Variants in TMEM232 observed in about 807,000 individuals in gnomAD.
TMEM232 encodes the protein transmembrane protein 232.
TMEM232 carries 80 observed loss-of-function variants against 78.8 expected under a neutral mutation model. The observed-to-expected ratio is 1.01, with a 90% CI of 0.85 to 1.22. TMEM232 has a LOEUF of 1.22. Among genes scored for constraint, TMEM232 ranks in the 50% most tolerant of loss-of-function variants. TMEM232 has a pLI of 0.00. For synonymous variants in TMEM232, 297 were observed against 254.3 expected, an observed-to-expected ratio of 1.17 and a Z score of -1.60; for missense variants, 881 against 742.2, an observed-to-expected ratio of 1.19 and a Z score of -2.17.
At chr5:110,550,757 A>G (rs1774354601) in intron 11 of TMEM232, among the ~76,000 whole-genome samples, 1 of 151,942 alleles carries the variant, frequency 6.6e-6, no homozygotes, top group Non-Finnish European at 1.5e-5. Flanking sequence ...ATATGTATCA[A>G]TTACCGCCAA....
chr5:110,406,699 A>G (rs1052531225), intron 2 of TMEM232, among the ~76,000 whole-genome samples: 2 of 152,118 alleles, frequency 1.3e-5, no homozygotes, highest in African/African-American at 2.4e-5. Context: ...CCCTATTACT[A>G]TATTTATGGT....
intron 12 of TMEM232, among the ~76,000 whole-genome samples, chr5:110,524,439 AG>A (rs1770244746): frequency 3.4e-5 from 5 of 148,852 alleles, no homozygotes; most frequent in Admixed American, 2.0e-4. Context: ...AGAAAAGAAA[AG>A]AAAGGAAAGA....
rs548429810 is a variant in TMEM232, at chr5:110,559,917, T to C, written c.1455+8530A>G. Among the ~76,000 whole-genome samples, 406 of 152,242 alleles carry C rather than the reference T, an allele frequency of 2.7e-3. 2 individuals carry two copies. The highest frequency in any genetic ancestry group is 9.3e-3 in the African/African-American group (385 of 41,568). ...GGCTTGTAAATGAATCACTCCAGTC[T>C]TTACCTCTGTCTCCACATGGCTCTA... On this transcript the variant is annotated intron_variant, in intron 11 of 13. Coordinates refer to ENST00000455884, the MANE Select transcript of TMEM232 (RefSeq NM_001039763.4).
chr5:110,650,104 T>C (rs1435967835), intron 2 of TMEM232, among the ~76,000 whole-genome samples: 1 of 152,056 alleles, frequency 6.6e-6, no homozygotes. Flanking sequence ...ATTTTGCAAA[T>C]GTATGTTGTA....
intron 7 of TMEM232, among the ~76,000 whole-genome samples, chr5:110,621,792 T>G (rs1294186322): frequency 6.6e-6 from 1 of 151,988 alleles, no homozygotes; most frequent in African/African-American, 2.4e-5. Context: ...TTCTTTCGTC[T>G]CCCTCCCTTG....
chr5:110,548,210 A>C (rs921948938), intron 11 of TMEM232, among the ~76,000 whole-genome samples: 25 of 151,268 alleles, frequency 1.7e-4, no homozygotes, highest in Non-Finnish European at 2.7e-4. Flanking sequence ...TACTGATTAC[A>C]TAAAGCAATA....
intron 10 of TMEM232, among the ~76,000 whole-genome samples, chr5:110,569,638 A>T (rs1252952815): frequency 2.6e-5 from 4 of 151,896 alleles, no homozygotes; most frequent in Admixed American, 6.6e-5. Flanking sequence ...GAATAAAGAT[A>T]GAAGAACAAC....
intron 11 of TMEM232, among the ~76,000 whole-genome samples, chr5:110,532,850 T>TG (rs1771755871): frequency 6.6e-6 from 1 of 152,162 alleles, no homozygotes; most frequent in Non-Finnish European, 1.5e-5. Context: ...CAGCATGCTT[T>TG]GAAAGGATTA....
intron 13 of TMEM232, among the ~76,000 whole-genome samples, chr5:110,422,833 A>C (rs1756817528): frequency 6.6e-6 from 1 of 152,102 alleles, no homozygotes; most frequent in Non-Finnish European, 1.5e-5. Context: ...ATTTGGGTAA[A>C]TAATTGTATT....
At chr5:110,471,796 CAA>C (rs1046251723) in intron 12 of TMEM232, among the ~76,000 whole-genome samples, 8 of 151,910 alleles carry the variant, frequency 5.3e-5, no homozygotes, top group Non-Finnish European at 1.0e-4. Flanking sequence ...TGAGTAGAAA[CAA>C]AGTTGTTTTT....
At chr5:110,723,759 A>C (rs1797885385) in intron 1 of TMEM232, among the ~76,000 whole-genome samples, 2 of 152,178 alleles carry the variant, frequency 1.3e-5, no homozygotes, top group South Asian at 4.1e-4. Flanking sequence ...ATTTCTCCTG[A>C]AGCTTTCTTT....
chr5:110,608,078 C>T (rs889728276), intron 8 of TMEM232, among the ~76,000 whole-genome samples: 2 of 151,834 alleles, frequency 1.3e-5, no homozygotes, highest in African/African-American at 4.8e-5. Flanking sequence ...TAACATGATG[C>T]TTATGAACAT....
At chr5:110,702,792 C>T (rs78868331) in intron 1 of TMEM232, among the ~76,000 whole-genome samples, 5,432 of 151,992 alleles carry the variant, frequency 0.036, 280 homozygotes, top group East Asian at 0.24. Context: ...GAAAGCAATC[C>T]CTTACCTAAA....
intron 11 of TMEM232, among the ~76,000 whole-genome samples, chr5:110,542,413 C>T (rs1057076236): frequency 2.0e-5 from 3 of 152,112 alleles, no homozygotes; most frequent in Non-Finnish European, 4.4e-5. Context: ...TATTTCCTCT[C>T]ACCTAGAGAC....
intron 12 of TMEM232, among the ~76,000 whole-genome samples, chr5:110,457,573 T>C (rs1264010950): frequency 6.6e-6 from 1 of 152,080 alleles, no homozygotes; most frequent in South Asian, 2.1e-4. Flanking sequence ...ATATATATGG[T>C]CATCAAAAAA....
intron 11 of TMEM232, among the ~76,000 whole-genome samples, chr5:110,544,798 G>A (rs1773578401): frequency 6.6e-6 from 1 of 152,112 alleles, no homozygotes. Context: ...AGAACAGCAT[G>A]AGTAATTCCT....
At position 110,486,814 on chromosome 5, in the gene TMEM232, A is replaced by G. The variant is rs191270177; in HGVS notation, c.1703+41774T>C. ...GCTATGCAGGCTCTTTTTTGGTTCCATATGAATTTTAGAATTTTTTTTTTC... is the reference window on the plus strand; with the variant it reads ...GCTATGCAGGCTCTTTTTTGGTTCCGTATGAATTTTAGAATTTTTTTTTTC... On this transcript the variant is annotated intron_variant, in intron 12 of 13. Coordinates refer to ENST00000455884, the MANE Select transcript of TMEM232 (RefSeq NM_001039763.4). 2.8e-3 allele frequency among the ~76,000 whole-genome samples: 422 copies of G among 151,966 alleles called. 2 individuals are homozygous for G. The highest frequency in any genetic ancestry group is 0.02 in the Middle Eastern group (6 of 294).
chr5:110,579,067 C>G (rs1173513798), intron 10 of TMEM232, among the ~76,000 whole-genome samples: 3 of 151,508 alleles, frequency 2.0e-5, no homozygotes, highest in Non-Finnish European at 3.0e-5. Flanking sequence ...TTCTAGATAT[C>G]AAAAGTATAG....
At chr5:110,609,714 T>C (rs1005109605) in intron 8 of TMEM232, among the ~76,000 whole-genome samples, 2 of 152,210 alleles carry the variant, frequency 1.3e-5, no homozygotes, top group East Asian at 1.9e-4. Context: ...ATTTTACACA[T>C]TGAGTGTTGT....
Sources: gnomAD v4.1 joint callset for allele counts (sites outside exome capture counted in the v4.1 genomes callset) on GRCh38, gnomAD v4.1.1 for gene constraint, MANE v1.5 for transcripts, NCBI Gene and HGNC (gene_info 2026-07-23, HGNC 2026-07-21) for gene names.